Variants in FER observed in about 807,000 individuals in gnomAD.
FER encodes tyrosine-protein kinase Fer.
A neutral mutation model predicts 111.0 loss-of-function variants in FER; 63 were observed. The ratio of observed to expected loss-of-function variants is 0.57; its 90% CI spans 0.46 to 0.70. The LOEUF (loss-of-function observed/expected upper bound fraction) is 0.70, where lower values mean the gene tolerates loss of function less well. FER is among the 30% of genes least tolerant of loss of function. FER has a pLI of 0.00. For missense variants in FER, 914 were observed against 954.0 expected (o/e 0.96, Z 0.55); for synonymous variants, 327 against 313.9 (o/e 1.04, Z -0.44).
chr5:108,848,443 C>G (rs1762237243), intron 5 of FER, among the ~76,000 whole-genome samples: 1 of 152,048 alleles, frequency 6.6e-6, no homozygotes, highest in Non-Finnish European at 1.5e-5. Flanking sequence ...GAACATTTTT[C>G]TGAAGATTCT....
chr5:108,973,228 C>CTT (rs930734838), intron 13 of FER, among the ~76,000 whole-genome samples: 3 of 152,112 alleles, frequency 2.0e-5, no homozygotes, highest in African/African-American at 7.2e-5. Flanking sequence ...CACCATTTAT[C>CTT]TTTATCATAT....
chr5:108,824,578 A>T (rs924552780), intron 3 of FER, among the ~76,000 whole-genome samples: 2 of 152,078 alleles, frequency 1.3e-5, no homozygotes, highest in Non-Finnish European at 2.9e-5. Flanking sequence ...GTGTTTTCCT[A>T]ATTTCTTTTT....
At chr5:109,083,587 A>G (rs1482086738) in intron 16 of FER, among the ~76,000 whole-genome samples, 2 of 152,090 alleles carry the variant, frequency 1.3e-5, no homozygotes, top group Non-Finnish European at 2.9e-5. Flanking sequence ...AAAAATATCT[A>G]GTAAACTTTT....
At chr5:109,055,828 CAA>C (rs564140003) in intron 16 of FER, among the ~76,000 whole-genome samples, 41 of 113,002 alleles carry the variant, frequency 3.6e-4, no homozygotes, top group African/African-American at 1.2e-3. Flanking sequence ...ACTGATGTAC[CAA>C]AAGAGAGCAA....
chr5:108,995,993 G>C (rs1320588973), intron 13 of FER, among the ~76,000 whole-genome samples: 2 of 152,166 alleles, frequency 1.3e-5, no homozygotes, highest in African/African-American at 4.8e-5. Flanking sequence ...TTGTGGTTTT[G>C]ATTTGCATTT....
At chr5:108,755,521 T>C (rs1278184779) in intron 1 of FER, among the ~76,000 whole-genome samples, 1 of 152,128 alleles carries the variant, frequency 6.6e-6, no homozygotes, top group African/African-American at 2.4e-5. Context: ...ATTCCACTCT[T>C]GTTGCCCAGG....
intron 18 of FER, among the ~76,000 whole-genome samples, chr5:109,182,060 A>G (rs1758345886): frequency 6.6e-6 from 1 of 152,342 alleles, no homozygotes; most frequent in Non-Finnish European, 1.5e-5. Flanking sequence ...AGGTTCATCC[A>G]TCTTGTATCA....
intron 17 of FER, among the ~76,000 whole-genome samples, chr5:109,121,383 T>C (rs1750953413): frequency 1.3e-5 from 2 of 152,178 alleles, no homozygotes; most frequent in Non-Finnish European, 2.9e-5. Flanking sequence ...TCTGTTGATG[T>C]GATATGTCAC....
intron 17 of FER, among the ~76,000 whole-genome samples, chr5:109,118,463 T>A (rs1582109872): frequency 1.3e-5 from 2 of 152,276 alleles, no homozygotes; most frequent in South Asian, 4.1e-4. Context: ...TGGTCTAAAA[T>A]TCTCTTTTTT....
chr5:109,043,283 A>G (rs544280173), intron 14 of FER, among the ~76,000 whole-genome samples: 1 of 152,298 alleles, frequency 6.6e-6, no homozygotes, highest in South Asian at 2.1e-4. Context: ...TCTCAGCTCT[A>G]CCTCTGATGT....
At chr5:108,885,584 C>T (rs1290694774) in intron 9 of FER, among the ~76,000 whole-genome samples, 1 of 151,836 alleles carries the variant, frequency 6.6e-6, no homozygotes, top group Admixed American at 6.6e-5. Flanking sequence ...AGACTGCTGT[C>T]TTCTCATTGT....
At chr5:109,144,729 A>T (rs550028176) in intron 17 of FER, among the ~76,000 whole-genome samples, 1 of 152,192 alleles carries the variant, frequency 6.6e-6, no homozygotes, top group South Asian at 2.1e-4. Flanking sequence ...ATGTTACCAA[A>T]TGTTGTTTGG....
At chr5:109,084,919 TTGTC>T (rs536552247) in intron 16 of FER, among the ~76,000 whole-genome samples, 2 of 151,902 alleles carry the variant, frequency 1.3e-5, no homozygotes, top group Non-Finnish European at 2.9e-5. Context: ...TTTCTGGACT[TTGTC>T]TGTTCCATTG....
At chr5:108,806,550 T>C (rs535519852) in intron 3 of FER, among the ~76,000 whole-genome samples, 1 of 152,228 alleles carries the variant, frequency 6.6e-6, no homozygotes, top group Non-Finnish European at 1.5e-5. Context: ...GGCTGTACCC[T>C]GCAAAGCCAC....
At chr5:109,166,688 C>A (rs763560881) in intron 17 of FER, among the ~76,000 whole-genome samples, 1 of 152,172 alleles carries the variant, frequency 6.6e-6, no homozygotes, top group African/African-American at 2.4e-5. Flanking sequence ...TTCCACTGTT[C>A]TACTCAGGAA....
chr5:109,069,041 TA>T (rs1252816692), intron 16 of FER, among the ~76,000 whole-genome samples: 1 of 152,162 alleles, frequency 6.6e-6, no homozygotes, highest in African/African-American at 2.4e-5. Flanking sequence ...TTTTTCTTCC[TA>T]CTAGACTATT....
At chr5:109,094,613 C>CAGA (rs1203956615) in intron 16 of FER, among the ~76,000 whole-genome samples, 9 of 152,052 alleles carry the variant, frequency 5.9e-5, no homozygotes, top group African/African-American at 2.2e-4. Context: ...GTGGGCCATA[C>CAGA]AGACTCTGCA....
At chr5:109,091,933 A>G (rs1746814313) in intron 16 of FER, among the ~76,000 whole-genome samples, 1 of 152,112 alleles carries the variant, frequency 6.6e-6, no homozygotes, top group African/African-American at 2.4e-5. Flanking sequence ...ATTATGATGT[A>G]GAGTAGTGAC....
intron 13 of FER, among the ~76,000 whole-genome samples, chr5:109,004,583 C>T (rs1765254041): frequency 6.6e-6 from 1 of 152,138 alleles, no homozygotes; most frequent in Non-Finnish European, 1.5e-5. Flanking sequence ...TACAAAATAT[C>T]CTTCTAATTG....
Sources: allele counts gnomAD v4.1 joint callset (sites outside exome capture counted in the v4.1 genomes callset), GRCh38; gene constraint gnomAD v4.1.1; transcripts MANE v1.5; gene names NCBI Gene and HGNC (gene_info 2026-07-23, HGNC 2026-07-21).